The following FSTL5 variants were observed in gnomAD, a reference collection of about 807,000 sequenced individuals.
The protein encoded by FSTL5 is follistatin like 5.
FSTL5 carries 62 observed loss-of-function variants against 89.1 expected under a neutral mutation model. The observed-to-expected ratio is 0.70, with a 90% CI of 0.57 to 0.86. FSTL5 has a LOEUF of 0.86. FSTL5 is among the 40% of genes least tolerant of loss of function. FSTL5 has a pLI of 0.00. For missense variants in FSTL5, 1,057 were observed against 1,001.6 expected, an observed-to-expected ratio of 1.06 and a Z score of -0.75; for synonymous variants, 383 against 346.2, an observed-to-expected ratio of 1.11 and a Z score of -1.18.
At chr4:161,414,990 C>T (rs757846396) in intron 15 of FSTL5, among the ~76,000 whole-genome samples, 4 of 152,044 alleles carry the variant, frequency 2.6e-5, no homozygotes, top group Non-Finnish European at 4.4e-5. Context: ...AATGCATAAC[C>T]AGTGAAAATT....
intron 3 of FSTL5, among the ~76,000 whole-genome samples, chr4:162,028,458 T>C (rs113430254): frequency 0.097 from 14,703 of 152,140 alleles, 840 homozygotes; most frequent in Non-Finnish European, 0.13. Context: ...GCATTTGTAA[T>C]CCCAGCTACT....
Position 161,416,718 on chromosome 4 carries a change from G to A in FSTL5, c.1842-30269C>T, listed in dbSNP as rs184601882. Among the ~76,000 whole-genome samples the A allele has an allele frequency of 1.1e-4, 16 of 151,800 alleles. No homozygotes were observed. The East Asian group carries it at 1.2e-3, about 11-fold the overall frequency. On this transcript the variant is annotated intron_variant, in intron 15 of 15. Coordinates refer to ENST00000306100, the MANE Select transcript of FSTL5 (RefSeq NM_020116.5). Reference sequence around the variant, plus strand: ...AAATTAGCCGGGTGTGGTGGCGGGCGCCTGTAGTCCCAGCTACTCGGGAGG... The same window carrying A: ...AAATTAGCCGGGTGTGGTGGCGGGCACCTGTAGTCCCAGCTACTCGGGAGG...
At chr4:162,103,541 G>T (rs905919799) in intron 2 of FSTL5, among the ~76,000 whole-genome samples, 3 of 152,180 alleles carry the variant, frequency 2.0e-5, no homozygotes, top group African/African-American at 7.2e-5. Context: ...ACCTCCATTT[G>T]TTCTGGACCA....
At chr4:161,586,878 G>A (rs907419079) in intron 8 of FSTL5, among the ~76,000 whole-genome samples, 3 of 152,062 alleles carry the variant, frequency 2.0e-5, no homozygotes, top group African/African-American at 7.2e-5. Flanking sequence ...TAAAATATAT[G>A]TTACAATAAA....
intron 8 of FSTL5, among the ~76,000 whole-genome samples, chr4:161,551,435 G>GT (rs1335568530): frequency 1.3e-5 from 2 of 151,236 alleles, no homozygotes; most frequent in Admixed American, 6.6e-5. Flanking sequence ...GGGGTTGTTT[G>GT]TTTTTTTCTT....
At position 162,132,132 on chromosome 4, in the gene FSTL5, C is replaced by A. The variant is rs1156290176; in HGVS notation, c.-16-20720G>T. Among the ~76,000 whole-genome samples the A allele has an allele frequency of 4.6e-5, 7 of 152,172 alleles. No individual in the cohort carries two copies. In the East Asian group the frequency reaches 1.3e-3, roughly 29 times the overall value. Reference sequence around the variant, plus strand: ...AGCAGATTATCTGTGGGTGACTATGCAGCATTCTTAAAACATTAAGAAATA... The same window carrying A: ...AGCAGATTATCTGTGGGTGACTATGAAGCATTCTTAAAACATTAAGAAATA... On this transcript the variant is annotated intron_variant, in intron 1 of 15. Transcript: ENST00000306100.
chr4:161,407,892 GA>G (rs550652467), intron 15 of FSTL5, among the ~76,000 whole-genome samples: 222 of 152,328 alleles, frequency 1.5e-3, no homozygotes, highest in East Asian at 9.5e-3. Flanking sequence ...TCACACCACA[GA>G]AAGAACCCAG....
intron 10 of FSTL5, among the ~76,000 whole-genome samples, chr4:161,532,660 A>G (rs927847196): frequency 7.2e-5 from 11 of 152,178 alleles, no homozygotes; most frequent in Admixed American, 6.5e-5. Context: ...TCAACACTCC[A>G]CTGACAACAT....
intron 2 of FSTL5, among the ~76,000 whole-genome samples, chr4:162,054,207 T>C (rs1426653440): frequency 6.6e-6 from 1 of 151,774 alleles, no homozygotes; most frequent in Non-Finnish European, 1.5e-5. Flanking sequence ...ATCATATTAA[T>C]ATATGCCCAA....
At chr4:161,796,477 T>C (rs909149432) in intron 4 of FSTL5, among the ~76,000 whole-genome samples, 2 of 151,786 alleles carry the variant, frequency 1.3e-5, no homozygotes, top group Non-Finnish European at 3.0e-5. Context: ...TGTGTTATCT[T>C]AATCCTACAT....
chr4:161,733,575 T>G (rs1739689314), intron 6 of FSTL5, among the ~76,000 whole-genome samples: 1 of 152,066 alleles, frequency 6.6e-6, no homozygotes, highest in Non-Finnish European at 1.5e-5. Flanking sequence ...TGCTTACTTC[T>G]CAGTCGTAGA....
chr4:161,478,055 A>G (rs191891441), intron 13 of FSTL5, among the ~76,000 whole-genome samples: 1 of 152,210 alleles, frequency 6.6e-6, no homozygotes, highest in East Asian at 1.9e-4. Context: ...ATAAACTCAC[A>G]TGTAATATTC....
chr4:162,128,313 T>C (rs937464207), intron 1 of FSTL5, among the ~76,000 whole-genome samples: 1 of 152,216 alleles, frequency 6.6e-6, no homozygotes, highest in Non-Finnish European at 1.5e-5. Context: ...TGAATGTTTC[T>C]GTCTCACGCA....
chr4:161,808,786 T>A (rs1730050981), intron 4 of FSTL5, among the ~76,000 whole-genome samples: 1 of 152,102 alleles, frequency 6.6e-6, no homozygotes, highest in Non-Finnish European at 1.5e-5. Flanking sequence ...ATGGATGCCT[T>A]ACAACTCAAA....
chr4:161,792,346 T>G lies in FSTL5; in HGVS notation c.410-16272A>C, dbSNP rs1198841710. On this transcript the variant is annotated intron_variant, in intron 4 of 15. Transcript: ENST00000306100. ...ATGGGACTCTAGGCGCCCCGCAGCA[T>G]GAATAGCCTGGGTGCATGGACACCA... Among the ~76,000 whole-genome samples, 4 of 152,076 alleles carry G rather than the reference T, an allele frequency of 2.6e-5. No individual in the cohort carries two copies. In the East Asian group the frequency reaches 7.8e-4, roughly 30 times the overall value.
chr4:161,591,090 G>C lies in FSTL5; in HGVS notation c.895-3515C>G, dbSNP rs185988262. Among the ~76,000 whole-genome samples, 6 of 152,250 alleles carry C rather than the reference G, an allele frequency of 3.9e-5. No homozygotes were observed. The East Asian group carries it at 1.2e-3, about 29-fold the overall frequency. On this transcript the variant is annotated intron_variant, in intron 7 of 15. Transcript: ENST00000306100. ...ATATCTATACAATGGAGTATTATTTGACAATAAAAAGGAATAAAGTACTGA... is the reference window on the plus strand; with the variant it reads ...ATATCTATACAATGGAGTATTATTTCACAATAAAAAGGAATAAAGTACTGA...
intron 1 of FSTL5, among the ~76,000 whole-genome samples, chr4:162,116,499 T>G (rs903558568): frequency 1.8e-4 from 28 of 152,200 alleles, no homozygotes; most frequent in African/African-American, 6.8e-4. Context: ...GAGAAGTCCC[T>G]GCCCCCTGCC....
At chr4:161,911,161 A>G (rs972069292) in intron 4 of FSTL5, among the ~76,000 whole-genome samples, 1 of 152,128 alleles carries the variant, frequency 6.6e-6, no homozygotes, top group Non-Finnish European at 1.5e-5. Flanking sequence ...TTATTGATTT[A>G]TGTTAGAAAT....
intron 13 of FSTL5, among the ~76,000 whole-genome samples, chr4:161,471,107 C>T (rs1733919450): frequency 6.6e-6 from 1 of 152,324 alleles, no homozygotes; most frequent in South Asian, 2.1e-4. Context: ...GAAGCCAATA[C>T]AATGTTAAGT....
Sources: gnomAD v4.1 joint callset for allele counts (sites outside exome capture counted in the v4.1 genomes callset) on GRCh38, gnomAD v4.1.1 for gene constraint, MANE v1.5 for transcripts, NCBI Gene and HGNC (gene_info 2026-07-23, HGNC 2026-07-21) for gene names.